Variants in LAMA2 observed in about 807,000 individuals in gnomAD.
LAMA2 encodes the protein laminin subunit alpha 2, also known as laminin subunit alpha-2.
A neutral mutation model predicts 364.8 loss-of-function variants in LAMA2; 269 were observed. The ratio of observed to expected loss-of-function variants is 0.74; its 90% CI spans 0.67 to 0.82. The LOEUF is 0.82. LAMA2 is among the 40% of genes least tolerant of loss of function. The probability of loss-of-function intolerance (pLI) is 0.00; values close to 1 mark genes in which losing one functional copy is unlikely to be tolerated. For synonymous variants in LAMA2, 1,379 were observed against 1,370.6 expected (o/e 1.01, Z -0.14); for missense variants, 3,807 against 3,873.2 (o/e 0.98, Z 0.45).
At chr6:129,442,987 A>G in intron 43 of LAMA2, 76 bp from the exon 44 acceptor site, 5 of 1,100,618 alleles carry the variant, frequency 4.5e-6, no homozygotes, top group Middle Eastern at 2.9e-4. Flanking sequence ...TCACTACTTT[A>G]TAATATTTAT....
At chr6:129,102,676 T>C (rs1337020788) in intron 4 of LAMA2, among the ~76,000 whole-genome samples, 1 of 152,226 alleles carries the variant, frequency 6.6e-6, no homozygotes, top group African/African-American at 2.4e-5. Flanking sequence ...TCTTACATTC[T>C]TGTGTGCCTG....
chr6:128,984,107 C>T (rs12201645), intron 1 of LAMA2, among the ~76,000 whole-genome samples: 20,505 of 152,084 alleles, frequency 0.13, 1,540 homozygotes, highest in South Asian at 0.19. Context: ...ACCTACCTTT[C>T]GCAGTGTGGC....
chr6:129,170,088 T>A (rs1316212270), intron 9 of LAMA2, among the ~76,000 whole-genome samples: 1 of 151,848 alleles, frequency 6.6e-6, no homozygotes, highest in African/African-American at 2.4e-5. Flanking sequence ...GGTCTATCAA[T>A]TTTGTTGACC....
At chr6:128,920,065 T>C (rs1778593594) in intron 1 of LAMA2, among the ~76,000 whole-genome samples, 1 of 152,234 alleles carries the variant, frequency 6.6e-6, no homozygotes. Context: ...CACTGTCTCT[T>C]TCAGTTCAAA....
At chr6:129,316,532 G>A (rs1259204552) in intron 27 of LAMA2, among the ~76,000 whole-genome samples, 1 of 152,172 alleles carries the variant, frequency 6.6e-6, no homozygotes, top group African/African-American at 2.4e-5. Flanking sequence ...ACCCATCAGG[G>A]GAACCAGGCA....
intron 15 of LAMA2, among the ~76,000 whole-genome samples, chr6:129,263,091 G>A (rs1787249171): frequency 6.6e-6 from 1 of 152,104 alleles, no homozygotes; most frequent in Non-Finnish European, 1.5e-5. Flanking sequence ...TGCAATCTCA[G>A]TTTCTTCTTC....
intron 29 of LAMA2, among the ~76,000 whole-genome samples, chr6:129,333,005 G>A (rs1038466000): frequency 4.8e-5 from 7 of 146,590 alleles, no homozygotes; most frequent in African/African-American, 1.8e-4. Context: ...CGATTTTCCT[G>A]CCTCAGCCTC....
intron 34 of LAMA2, among the ~76,000 whole-genome samples, chr6:129,380,428 G>A (rs1778614645): frequency 6.6e-6 from 1 of 152,158 alleles, no homozygotes; most frequent in South Asian, 2.1e-4. Context: ...AAACAAAACA[G>A]ACCAAGTTCT....
At chr6:129,249,361 T>C (rs1186651550) in intron 12 of LAMA2, among the ~76,000 whole-genome samples, 1 of 152,212 alleles carries the variant, frequency 6.6e-6, no homozygotes, top group Non-Finnish European at 1.5e-5. Flanking sequence ...TTGATTCCTG[T>C]CCTATAAATG....
intron 55 of LAMA2, among the ~76,000 whole-genome samples, chr6:129,484,844 A>G (rs1018832889): frequency 3.9e-5 from 6 of 152,178 alleles, no homozygotes; most frequent in African/African-American, 1.4e-4. Context: ...AACTCATAAG[A>G]GATGCAATGG....
Position 129,094,881 on chromosome 6 carries a change from A to G in LAMA2, c.397-3292A>G, listed in dbSNP as rs570941803. On this transcript the variant is annotated intron_variant, in intron 3 of 64. Coordinates refer to ENST00000421865, the MANE Select transcript of LAMA2 (RefSeq NM_000426.4). Reference sequence around the variant, plus strand: ...AGAGTTTCAGTAATTTTCTCAGCTCACAGAGACCTAATAGGACAAATACTC... The same window carrying G: ...AGAGTTTCAGTAATTTTCTCAGCTCGCAGAGACCTAATAGGACAAATACTC... Among the ~76,000 whole-genome samples, 7 of 152,316 alleles carry G rather than the reference A, an allele frequency of 4.6e-5. No homozygotes were observed. The East Asian group carries it at 1.4e-3, about 29-fold the overall frequency.
At chr6:129,303,470 C>G (rs189514124) in intron 22 of LAMA2, among the ~76,000 whole-genome samples, 1 of 152,224 alleles carries the variant, frequency 6.6e-6, no homozygotes, top group East Asian at 1.9e-4. Context: ...GTGGTGGAAG[C>G]AAATATCCTT....
intron 8 of LAMA2, among the ~76,000 whole-genome samples, chr6:129,163,509 C>T (rs887203075): frequency 6.6e-6 from 1 of 152,072 alleles, no homozygotes; most frequent in African/African-American, 2.4e-5. Context: ...TGGCAGGCAC[C>T]TGTAATATCA....
chr6:129,149,741 A>C (rs1344805795), intron 7 of LAMA2, among the ~76,000 whole-genome samples: 1 of 152,184 alleles, frequency 6.6e-6, no homozygotes, highest in Non-Finnish European at 1.5e-5. Flanking sequence ...CTGCAGATCA[A>C]AAATGTTTGA....
At chr6:129,010,141 T>G (rs1004782958) in intron 1 of LAMA2, among the ~76,000 whole-genome samples, 4 of 152,204 alleles carry the variant, frequency 2.6e-5, no homozygotes, top group Non-Finnish European at 5.9e-5. Context: ...GTTTAAAAGA[T>G]TTAAAAATCT....
intron 12 of LAMA2, among the ~76,000 whole-genome samples, chr6:129,234,870 G>A (rs981295543): frequency 1.3e-5 from 2 of 152,050 alleles, no homozygotes; most frequent in East Asian, 1.9e-4. Flanking sequence ...AGAAAAATCT[G>A]TCAATTACTC....
At chr6:129,350,161 TTAATG>T (rs1290005374) in intron 31 of LAMA2, among the ~76,000 whole-genome samples, 2 of 152,188 alleles carry the variant, frequency 1.3e-5, no homozygotes, top group Non-Finnish European at 2.9e-5. Context: ...GATATTATCT[TTAATG>T]TAACAGAGAG....
chr6:129,306,504 A>T (rs556427797), intron 22 of LAMA2, among the ~76,000 whole-genome samples: 4 of 151,520 alleles, frequency 2.6e-5, no homozygotes, highest in African/African-American at 9.7e-5. Flanking sequence ...TATAGTTTTC[A>T]TCAAATTTGG....
intron 1 of LAMA2, among the ~76,000 whole-genome samples, chr6:128,906,131 G>A (rs1310221999): frequency 1.8e-4 from 25 of 140,958 alleles, no homozygotes; most frequent in Admixed American, 5.7e-4. Context: ...ATGATTTATA[G>A]TCCTTTGGGT....
Sources: gnomAD v4.1 joint callset for allele counts (sites outside exome capture counted in the v4.1 genomes callset) on GRCh38, gnomAD v4.1.1 for gene constraint, MANE v1.5 for transcripts, NCBI Gene and HGNC (gene_info 2026-07-23, HGNC 2026-07-21) for gene names.